Variants in APBB2 observed in about 807,000 individuals in gnomAD.
APBB2 encodes amyloid beta precursor protein binding family B member 2.
A neutral mutation model predicts 82.5 loss-of-function variants in APBB2; 38 were observed. The ratio of observed to expected loss-of-function variants is 0.46; its 90% CI spans 0.36 to 0.60. The LOEUF (loss-of-function observed/expected upper bound fraction) is 0.60. Among genes scored for constraint, APBB2 ranks in the 20% least tolerant of loss-of-function variants. The probability of loss-of-function intolerance (pLI) is 0.00; values close to 1 mark genes in which losing one functional copy is unlikely to be tolerated. For synonymous variants in APBB2, 341 were observed against 368.2 expected (o/e 0.93, Z 0.85); for missense variants, 772 against 972.3 (o/e 0.79, Z 2.74).
rs1241716170 is a variant in APBB2 at position 40,909,814 on chromosome 4, G to C, written c.1255-16403C>G. On this transcript the variant is annotated intron_variant, in intron 10 of 17. Transcript: ENST00000508593. ...TATATACAAGTCTGGTCTTGGCAGG[G>C]AAAGCATGAAGGTGGGCGCTGACAT... Among the ~76,000 whole-genome samples, 5 of 152,186 alleles carry C rather than the reference G, an allele frequency of 3.3e-5. No homozygotes were observed. The East Asian group carries it at 7.7e-4, about 23-fold the overall frequency.
chr4:40,896,352 C>G (rs542354780), intron 10 of APBB2, among the ~76,000 whole-genome samples: 6 of 152,184 alleles, frequency 3.9e-5, no homozygotes, highest in Non-Finnish European at 8.8e-5. Context: ...CGTAAGCCAC[C>G]GCACCCAGAA....
intron 3 of APBB2, among the ~76,000 whole-genome samples, chr4:41,096,894 T>C (rs1170957336): frequency 6.6e-6 from 1 of 152,218 alleles, no homozygotes; most frequent in African/African-American, 2.4e-5. Flanking sequence ...GAAGGACATA[T>C]CTCATTCATC....
chr4:41,074,085 C>A (rs965512738), intron 3 of APBB2, among the ~76,000 whole-genome samples: 5 of 152,158 alleles, frequency 3.3e-5, no homozygotes, highest in Non-Finnish European at 4.4e-5. Context: ...ATGATGGTGC[C>A]ACTGCACTTC....
Position 41,148,240 on chromosome 4 carries a change from G to A in APBB2, c.-416-5098C>T, listed in dbSNP as rs188630143. 1.5e-4 allele frequency among the ~76,000 whole-genome samples: 23 copies of A among 152,262 alleles called. 1 individual carries two copies. Among genetic ancestry groups the A allele is most frequent in the Admixed American group, 1.2e-3 (18 of 15,288 alleles). On this transcript the variant is annotated intron_variant, in intron 1 of 17. Coordinates refer to ENST00000508593, the MANE Select transcript of APBB2 (RefSeq NM_004307.2). Reference sequence around the variant, plus strand: ...TGTAGGATTTCAACTAGGGGAAGGCGAATATTAATTAATTAATAGGTTCAC... The same window carrying A: ...TGTAGGATTTCAACTAGGGGAAGGCAAATATTAATTAATTAATAGGTTCAC...
At chr4:41,060,637 AT>A (rs1729476696) in intron 4 of APBB2, among the ~76,000 whole-genome samples, 1 of 151,602 alleles carries the variant, frequency 6.6e-6, no homozygotes. Context: ...TATAAAAGGA[AT>A]TTAGGACACA....
At chr4:40,961,667 T>TAAAAA (rs60942744) in intron 6 of APBB2, among the ~76,000 whole-genome samples, 12 of 68,238 alleles carry the variant, frequency 1.8e-4, no homozygotes, top group East Asian at 5.4e-4. Context: ...AAAAAAGATG[T>TAAAAA]AAAAAAAAAA....
At chr4:40,947,272 C>T (rs1209827017) in intron 6 of APBB2, among the ~76,000 whole-genome samples, 1 of 152,124 alleles carries the variant, frequency 6.6e-6, no homozygotes, top group African/African-American at 2.4e-5. Flanking sequence ...TCACAGACAG[C>T]GAGCTCTGGA....
At chr4:40,905,204 C>G (rs754141902) in intron 10 of APBB2, among the ~76,000 whole-genome samples, 4 of 152,142 alleles carry the variant, frequency 2.6e-5, no homozygotes, top group Non-Finnish European at 5.9e-5. Context: ...CATCTCCTTG[C>G]CTGCCCGCCA....
At chr4:41,169,265 G>A (rs1283998483) in intron 1 of APBB2, among the ~76,000 whole-genome samples, 1 of 151,164 alleles carries the variant, frequency 6.6e-6, no homozygotes, top group East Asian at 1.9e-4. Context: ...GTAAAGTAAG[G>A]AAGAGGTCAG....
chr4:41,144,809 A>T (rs1289785670), intron 1 of APBB2, among the ~76,000 whole-genome samples: 1 of 152,216 alleles, frequency 6.6e-6, no homozygotes, highest in African/African-American at 2.4e-5. Context: ...TGGCCATGCC[A>T]TAAAACTGTC....
intron 11 of APBB2, among the ~76,000 whole-genome samples, chr4:40,891,827 C>T (rs966397930): frequency 3.9e-5 from 6 of 152,000 alleles, no homozygotes; most frequent in Non-Finnish European, 5.9e-5. Flanking sequence ...CAGTCATTCA[C>T]ATATTAGTGT....
intron 3 of APBB2, among the ~76,000 whole-genome samples, chr4:41,089,443 C>T (rs1159459130): frequency 6.6e-6 from 1 of 152,102 alleles, no homozygotes; most frequent in Non-Finnish European, 1.5e-5. Context: ...TTTAGGGAAG[C>T]TCAACCTATG....
intron 7 of APBB2, among the ~76,000 whole-genome samples, chr4:40,938,201 C>G (rs1785873437): frequency 6.6e-6 from 1 of 152,214 alleles, no homozygotes; most frequent in Non-Finnish European, 1.5e-5. Context: ...GTACCACAGT[C>G]ATAGCTGGGA....
At chr4:40,934,726 G>A (rs1417774204) in intron 8 of APBB2, 27 bp from the exon 9 acceptor site, 1 of 1,508,896 alleles carries the variant, frequency 6.6e-7, no homozygotes, top group Non-Finnish European at 9.2e-7. Flanking sequence ...CCTTGTTAAT[G>A]TACAATGGGG....
intron 7 of APBB2, 173 bp from the exon 8 acceptor site, chr4:40,935,312 TTA>T: frequency 1.8e-6 from 1 of 569,834 alleles, no homozygotes; most frequent in East Asian, 2.9e-5. Flanking sequence ...TATGTCTAGA[TTA>T]TCACCTGAAG....
intron 6 of APBB2, among the ~76,000 whole-genome samples, chr4:40,974,785 C>T (rs185089951): frequency 1.3e-5 from 2 of 152,328 alleles, no homozygotes; most frequent in East Asian, 1.9e-4. Context: ...GAATGGCATA[C>T]AGTCGCTGCC....
At chr4:41,058,291 A>T (rs544743733) in intron 4 of APBB2, among the ~76,000 whole-genome samples, 21 of 139,834 alleles carry the variant, frequency 1.5e-4, no homozygotes, top group Non-Finnish European at 2.5e-4. Flanking sequence ...AGAGAGGTTT[A>T]AAAAAAAAAA....
rs183042217 is a variant in APBB2, at chr4:40,906,718, A to G, written c.1255-13307T>C. On this transcript the variant is annotated intron_variant, in intron 10 of 17. Coordinates refer to ENST00000508593, the MANE Select transcript of APBB2 (RefSeq NM_004307.2). ...TTTAAGTGTCCATACAAAACATTGG[A>G]AACATTTTGACCATGAAAGGACTTG... Among the ~76,000 whole-genome samples the G allele has an allele frequency of 2.0e-5, 3 of 152,254 alleles. No individual in the cohort carries two copies. The East Asian group carries it at 5.8e-4, about 29-fold the overall frequency.
intron 2 of APBB2, among the ~76,000 whole-genome samples, chr4:41,124,039 C>T (rs1753670407): frequency 6.6e-6 from 1 of 152,104 alleles, no homozygotes. Flanking sequence ...GCTGCCTCAG[C>T]AGGAAGAAGC....
Sources: gnomAD v4.1 joint callset for allele counts (sites outside exome capture counted in the v4.1 genomes callset) on GRCh38, gnomAD v4.1.1 for gene constraint, MANE v1.5 for transcripts, NCBI Gene and HGNC (gene_info 2026-07-23, HGNC 2026-07-21) for gene names.